SORCS2: variants seen among roughly 807,000 people sequenced by gnomAD.
SORCS2 encodes VPS10 domain-containing receptor SorCS2.
A neutral mutation model predicts 141.6 loss-of-function variants in SORCS2; 100 were observed. The observed-to-expected ratio is 0.71, with a 90% CI of 0.60 to 0.83. The LOEUF is 0.83. Among genes scored for constraint, SORCS2 ranks in the 40% least tolerant of loss-of-function variants. The pLI is 0.00. For missense variants in SORCS2, 1,646 were observed against 1,560.2 expected (o/e 1.05, Z -0.93); for synonymous variants, 789 against 676.9 (o/e 1.17, Z -2.57).
At chr4:7,575,072 G>T (rs1032007955) in intron 3 of SORCS2, among the ~76,000 whole-genome samples, 1 of 152,132 alleles carries the variant, frequency 6.6e-6, no homozygotes, top group Non-Finnish European at 1.5e-5. Flanking sequence ...GGGGACTGGC[G>T]GTGGGAGGAC....
Position 7,527,129 on chromosome 4 carries a change from C to T in SORCS2, c.549-4401C>T, listed in dbSNP as rs7679188. Reference sequence around the variant, plus strand: ...CGCCCGCCCCACCCACCTCCGGCCGCCCTGTTGTCTCTCACAGCTCACGTG... The same window carrying T: ...CGCCCGCCCCACCCACCTCCGGCCGTCCTGTTGTCTCTCACAGCTCACGTG... On this transcript the variant is annotated intron_variant, in intron 2 of 26. Transcript: ENST00000507866. Among the ~76,000 whole-genome samples the T allele has an allele frequency of 2.7e-3, 405 of 152,302 alleles. 2 individuals are homozygous for T. The highest frequency in any genetic ancestry group is 9.3e-3 in the African/African-American group (385 of 41,582).
chr4:7,727,726 C>A (rs1051302633), intron 21 of SORCS2, among the ~76,000 whole-genome samples: 6 of 152,176 alleles, frequency 3.9e-5, no homozygotes, highest in Non-Finnish European at 5.9e-5. Context: ...GCCCGTCAGC[C>A]CTGCACAGCC....
intron 9 of SORCS2, among the ~76,000 whole-genome samples, chr4:7,676,524 T>C (rs562297283): frequency 2.0e-5 from 3 of 152,336 alleles, no homozygotes; most frequent in South Asian, 4.1e-4. Flanking sequence ...AACATTTTAC[T>C]GACTTGGGTT....
chr4:7,224,593 A>T (rs955148039), intron 1 of SORCS2, among the ~76,000 whole-genome samples: 1 of 152,218 alleles, frequency 6.6e-6, no homozygotes, highest in Non-Finnish European at 1.5e-5. Context: ...ATGAGAACTC[A>T]CTTCCTGTAC....
chr4:7,697,127 T>C (rs774341949), intron 11 of SORCS2, 71 bp from the exon 12 acceptor site: 56 of 1,359,766 alleles, frequency 4.1e-5, no homozygotes, highest in Non-Finnish European at 5.3e-5. Flanking sequence ...GGTTTTTCCA[T>C]GCTCAGACTT....
chr4:7,418,711 C>CG (rs199784739), intron 2 of SORCS2, among the ~76,000 whole-genome samples: 1 of 119,560 alleles, frequency 8.4e-6, no homozygotes, highest in Admixed American at 8.5e-5. Flanking sequence ...GACCCCCCCC[C>CG]CCACCAGATT....
chr4:7,271,749 C>G (rs950716976), intron 1 of SORCS2, among the ~76,000 whole-genome samples: 1 of 152,214 alleles, frequency 6.6e-6, no homozygotes, highest in Non-Finnish European at 1.5e-5. Flanking sequence ...GTGGGCTGCC[C>G]AAGTTCTTGG....
At chr4:7,331,965 CA>C (rs747376862) in intron 1 of SORCS2, among the ~76,000 whole-genome samples, 1 of 152,194 alleles carries the variant, frequency 6.6e-6, no homozygotes, top group Non-Finnish European at 1.5e-5. Flanking sequence ...CGCCCTCTGC[CA>C]GGCCGTCCTG....
chr4:7,218,747 A>G (rs1049481716), intron 1 of SORCS2, among the ~76,000 whole-genome samples: 4 of 152,248 alleles, frequency 2.6e-5, no homozygotes, highest in African/African-American at 4.8e-5. Flanking sequence ...CTTCAATATC[A>G]TAACGATGAA....
At chr4:7,736,373 T>A (rs1036779228) in intron 25 of SORCS2, among the ~76,000 whole-genome samples, 1 of 152,184 alleles carries the variant, frequency 6.6e-6, no homozygotes, top group African/African-American at 2.4e-5. Context: ...CCCCACCCCA[T>A]CCTGCCGTTA....
intron 1 of SORCS2, among the ~76,000 whole-genome samples, chr4:7,276,298 C>T (rs919666943): frequency 1.3e-5 from 2 of 152,142 alleles, no homozygotes; most frequent in African/African-American, 4.8e-5. Flanking sequence ...GGCAGCCTGC[C>T]CATGCCCTGT....
At chr4:7,241,120 G>A (rs375731153) in intron 1 of SORCS2, among the ~76,000 whole-genome samples, 1 of 152,136 alleles carries the variant, frequency 6.6e-6, no homozygotes, top group South Asian at 2.1e-4. Flanking sequence ...TGTATTTTTA[G>A]TAGAGACAGG....
intron 3 of SORCS2, among the ~76,000 whole-genome samples, chr4:7,547,906 C>T (rs1713390405): frequency 2.0e-5 from 3 of 152,194 alleles, no homozygotes; most frequent in African/African-American, 7.2e-5. Context: ...GATTAAAGAG[C>T]AATCATTAAT....
intron 2 of SORCS2, among the ~76,000 whole-genome samples, chr4:7,415,717 GC>G (rs1364171046): frequency 1.3e-5 from 2 of 152,242 alleles, no homozygotes; most frequent in Admixed American, 1.3e-4. Flanking sequence ...TGAAGGCCTT[GC>G]TGGGGCACCA....
intron 1 of SORCS2, among the ~76,000 whole-genome samples, chr4:7,270,999 G>T (rs752246392): frequency 1.3e-5 from 2 of 152,228 alleles, no homozygotes; most frequent in Admixed American, 6.5e-5. Flanking sequence ...GCAGGCATAT[G>T]AAAGAGTGGA....
At chr4:7,563,919 T>G (rs2109683411) in intron 3 of SORCS2, among the ~76,000 whole-genome samples, 2 of 152,330 alleles carry the variant, frequency 1.3e-5, no homozygotes, top group Middle Eastern at 6.8e-3. Context: ...ACAACCTAAT[T>G]CCAGGAAAAT....
intron 3 of SORCS2, among the ~76,000 whole-genome samples, chr4:7,547,196 G>A (rs924216627): frequency 3.3e-5 from 5 of 152,096 alleles, no homozygotes; most frequent in African/African-American, 1.2e-4. Flanking sequence ...CATTCATCCT[G>A]GACACCCAAG....
At chr4:7,529,269 C>T (rs1279299891) in intron 2 of SORCS2, among the ~76,000 whole-genome samples, 1 of 152,172 alleles carries the variant, frequency 6.6e-6, no homozygotes, top group Non-Finnish European at 1.5e-5. Context: ...CCAGCGGCCC[C>T]ACCACCCCTC....
chr4:7,304,990 G>C (rs575009645), intron 1 of SORCS2, among the ~76,000 whole-genome samples: 2 of 152,120 alleles, frequency 1.3e-5, no homozygotes, highest in African/African-American at 4.8e-5. Context: ...CCTTGCTGTC[G>C]GCTCCAGAGT....
Sources: allele counts gnomAD v4.1 joint callset (sites outside exome capture counted in the v4.1 genomes callset), GRCh38; gene constraint gnomAD v4.1.1; transcripts MANE v1.5; gene names NCBI Gene and HGNC (gene_info 2026-07-23, HGNC 2026-07-21).